The following RAB28 variants were observed in gnomAD, a reference collection of about 807,000 sequenced individuals.
RAB28 encodes RAB28, member RAS oncogene family, also known as ras-related protein Rab-28.
In RAB28, 24 loss-of-function variants were observed where a neutral mutation model predicts 31.7. That is an observed-to-expected ratio of 0.76 (90% CI 0.55 to 1.06). The LOEUF is 1.06. RAB28 is among the 50% of genes least tolerant of loss of function. The probability of loss-of-function intolerance (pLI) is 0.00; values close to 1 mark genes in which losing one functional copy is unlikely to be tolerated. For synonymous variants in RAB28, 100 were observed against 90.4 expected (o/e 1.11, Z -0.60); for missense variants, 254 against 258.5 (o/e 0.98, Z 0.12).
chr4:13,447,071 C>T (rs1714739244), intron 4 of RAB28, among the ~76,000 whole-genome samples: 1 of 152,134 alleles, frequency 6.6e-6, no homozygotes, highest in Admixed American at 6.5e-5. Context: ...GTGAGAGAAT[C>T]TATTATTCCT....
rs1161138085 is a variant in RAB28, at chr4:13,368,404, C to G, written c.*154G>C. The G allele has an allele frequency of 1.6e-6, 2 of 1,263,958 alleles. No homozygotes were observed. The highest frequency in any genetic ancestry group is 1.6e-5 in the African/African-American group (1 of 64,410). The allele number at this position is 1,263,958 out of a possible 1,614,324, so 78.3% of individuals were successfully genotyped here. ...TCTTTCAAATCCAAGGAGCTGCCTG[C>G]CACTGTGAGGCAATAGCAATGATGA... On this transcript the variant is annotated 3_prime_UTR_variant, in exon 7 of 7. Transcript: ENST00000330852.
At chr4:13,431,846 T>A (rs570682317) in intron 4 of RAB28, among the ~76,000 whole-genome samples, 3 of 151,914 alleles carry the variant, frequency 2.0e-5, no homozygotes, top group African/African-American at 7.2e-5. Context: ...ATACCTCAGA[T>A]GAGAAGGAAT....
chr4:13,434,199 T>C (rs1263679923), intron 4 of RAB28, among the ~76,000 whole-genome samples: 1 of 152,090 alleles, frequency 6.6e-6, no homozygotes, highest in Non-Finnish European at 1.5e-5. Flanking sequence ...GCTGAAAAAC[T>C]ACCTACTAGG....
intron 3 of RAB28, among the ~76,000 whole-genome samples, chr4:13,470,768 C>T (rs1716083743): frequency 6.6e-6 from 1 of 152,066 alleles, no homozygotes. Flanking sequence ...AATTTAAAAT[C>T]TGGGAATTTA....
intron 4 of RAB28, among the ~76,000 whole-genome samples, chr4:13,456,502 T>C (rs1408939312): frequency 6.6e-6 from 1 of 152,200 alleles, no homozygotes; most frequent in Non-Finnish European, 1.5e-5. Flanking sequence ...CATAAACTAT[T>C]ACCCTGATTT....
intron 4 of RAB28, among the ~76,000 whole-genome samples, chr4:13,453,507 T>G (rs893384003): frequency 6.6e-6 from 1 of 152,134 alleles, no homozygotes; most frequent in East Asian, 1.9e-4. Flanking sequence ...GATGTAAGAG[T>G]ACCTTGAACA....
At chr4:13,446,794 G>C (rs367786736) in intron 4 of RAB28, among the ~76,000 whole-genome samples, 17 of 151,944 alleles carry the variant, frequency 1.1e-4, no homozygotes, top group African/African-American at 3.6e-4. Flanking sequence ...GTTTCTACTC[G>C]GTCATTTTGG....
intron 4 of RAB28, among the ~76,000 whole-genome samples, chr4:13,383,913 T>C (rs1265681044): frequency 6.6e-6 from 1 of 152,190 alleles, no homozygotes; most frequent in African/African-American, 2.4e-5. Context: ...CTTGGTCTGC[T>C]GCCCTCTCCT....
intron 4 of RAB28, among the ~76,000 whole-genome samples, chr4:13,389,768 C>G (rs560844830): frequency 6.6e-6 from 1 of 151,482 alleles, no homozygotes; most frequent in African/African-American, 2.4e-5. Flanking sequence ...AATTAAAATT[C>G]TGAATCTACC....
At chr4:13,404,877 A>T (rs1246629038) in intron 4 of RAB28, among the ~76,000 whole-genome samples, 1 of 151,908 alleles carries the variant, frequency 6.6e-6, no homozygotes, top group Non-Finnish European at 1.5e-5. Context: ...GTTGGTTTTC[A>T]GTTACCCACC....
intron 4 of RAB28, among the ~76,000 whole-genome samples, chr4:13,445,742 G>C (rs897866009): frequency 5.9e-5 from 9 of 151,562 alleles, no homozygotes; most frequent in African/African-American, 2.2e-4. Flanking sequence ...CATCCCAGAG[G>C]GGCATTGACC....
chr4:13,371,806 GAGCCACAAAGCACAC>G, intron 6 of RAB28: 1 of 1,546,862 alleles, frequency 6.5e-7, no homozygotes, highest in South Asian at 1.2e-5. Context: ...TTTATTTTTA[GAGCCACAAAGCACAC>G]TCGATTATTC....
intron 4 of RAB28, among the ~76,000 whole-genome samples, chr4:13,437,689 CA>C (rs1425076445): frequency 2.6e-5 from 4 of 151,742 alleles, no homozygotes; most frequent in Non-Finnish European, 5.9e-5. Context: ...ATTTTAAAAT[CA>C]AAAAATAACA....
At position 13,440,800 on chromosome 4, in the gene RAB28, T is replaced by C. The variant is rs183111073; in HGVS notation, c.391+19899A>G. On this transcript the variant is annotated intron_variant, in intron 4 of 6. Transcript: ENST00000330852. ...TTAAGGTAAAATGAGACCATATGCA[T>C]GGACCCTAATTCACTATGACTAGCG... is the stretch of plus-strand genomic sequence containing the variant. Among the ~76,000 whole-genome samples, 11 of 151,880 alleles carry C rather than the reference T, an allele frequency of 7.2e-5. No homozygotes were observed. In the East Asian group the frequency reaches 1.2e-3, roughly 16 times the overall value.
At chr4:13,452,115 A>T (rs796973884) in intron 4 of RAB28, among the ~76,000 whole-genome samples, 4 of 151,952 alleles carry the variant, frequency 2.6e-5, no homozygotes, top group African/African-American at 9.6e-5. Flanking sequence ...TTTTGGTCCT[A>T]TGGTATCTAT....
intron 5 of RAB28, among the ~76,000 whole-genome samples, chr4:13,377,348 C>A (rs1429207761): frequency 6.6e-6 from 1 of 152,166 alleles, no homozygotes; most frequent in African/African-American, 2.4e-5. Context: ...ATTCTTATCC[C>A]TATTCATCAC....
intron 6 of RAB28, chr4:13,370,223 T>C: frequency 3.1e-6 from 3 of 973,078 alleles, no homozygotes; most frequent in Non-Finnish European, 3.7e-6. Flanking sequence ...ATTACTGAAA[T>C]AGATATGACC....
intron 6 of RAB28, among the ~76,000 whole-genome samples, chr4:13,375,988 T>C (rs960592438): frequency 6.6e-6 from 1 of 152,138 alleles, no homozygotes; most frequent in Admixed American, 6.5e-5. Context: ...CTTTATAGGC[T>C]CTTACTCTGA....
At chr4:13,423,828 G>A (rs1713318565) in intron 4 of RAB28, among the ~76,000 whole-genome samples, 2 of 152,120 alleles carry the variant, frequency 1.3e-5, no homozygotes, top group South Asian at 4.1e-4. Flanking sequence ...AAATATCAAA[G>A]CAATAATTAT....
Sources: gnomAD v4.1 joint callset for allele counts (sites outside exome capture counted in the v4.1 genomes callset) on GRCh38, gnomAD v4.1.1 for gene constraint, MANE v1.5 for transcripts, NCBI Gene and HGNC (gene_info 2026-07-23, HGNC 2026-07-21) for gene names.